SIM1: variants seen among roughly 807,000 people sequenced by gnomAD.
SIM1 encodes SIM bHLH transcription factor 1, also known as single-minded homolog 1.
Under a neutral mutation model 78.2 loss-of-function variants are expected in SIM1, and 18 were observed. The ratio of observed to expected loss-of-function variants is 0.23; its 90% CI spans 0.16 to 0.34. The LOEUF is 0.34. Ranked by LOEUF, SIM1 falls within the 10% of genes least tolerant of loss-of-function variation. SIM1 has a pLI of 1.00. For synonymous variants in SIM1, 417 were observed against 385.2 expected (o/e 1.08, Z -0.97); for missense variants, 939 against 975.1 (o/e 0.96, Z 0.49).
intron 9 of SIM1, among the ~76,000 whole-genome samples, chr6:100,422,468 G>T (rs551676638): frequency 2.7e-4 from 41 of 152,274 alleles, no homozygotes; most frequent in African/African-American, 9.6e-4. Flanking sequence ...CTCCCAAAGT[G>T]CTGGGATTGC....
At chr6:100,398,813 T>A (rs1770832316) in intron 10 of SIM1, among the ~76,000 whole-genome samples, 2 of 152,092 alleles carry the variant, frequency 1.3e-5, no homozygotes, top group African/African-American at 4.8e-5. Flanking sequence ...CATATGATAA[T>A]TCTATTTTGA....
At chr6:100,395,592 C>G (rs1770746839) in intron 10 of SIM1, among the ~76,000 whole-genome samples, 1 of 152,112 alleles carries the variant, frequency 6.6e-6, no homozygotes, top group Non-Finnish European at 1.5e-5. Context: ...ATTTCTTACC[C>G]CAGAATAAAC....
Position 100,464,905 on chromosome 6 carries a change from T to A in SIM1, c.-759A>T, listed in dbSNP as rs1772954347. The A allele has an allele frequency of 6.6e-6, 1 of 152,242 alleles. No homozygotes were observed. The highest frequency in any genetic ancestry group is 6.5e-5 in the Admixed American group (1 of 15,288). The allele number at this position is 152,242 out of a possible 1,614,324, so 9.4% of individuals were successfully genotyped here. A position where few individuals can be genotyped will look rare whatever the true frequency, so the allele number is the denominator to read the frequency against. ...ATTGGAAGCCGAAAACTGCCCCCCG[T>A]AACTTCTTTATAGCTTAAGGGTTTA... On this transcript the variant is annotated 5_prime_UTR_variant, in exon 1 of 12. Transcript: ENST00000369208.
intron 10 of SIM1, among the ~76,000 whole-genome samples, chr6:100,398,956 TGTGTATGTGTA>T (rs754920838): frequency 1.0e-4 from 11 of 109,692 alleles, no homozygotes; most frequent in Non-Finnish European, 1.5e-4. Context: ...TGTGTGTGTG[TGTGTATGTGTA>T]GTAGTAGTAG....
intron 9 of SIM1, among the ~76,000 whole-genome samples, chr6:100,424,909 A>G (rs1771686420): frequency 6.6e-6 from 1 of 152,230 alleles, no homozygotes; most frequent in South Asian, 2.1e-4. Context: ...TAGTGATTAC[A>G]ACACATTTCA....
intron 9 of SIM1, among the ~76,000 whole-genome samples, chr6:100,425,936 G>A (rs962162645): frequency 1.3e-5 from 2 of 152,148 alleles, no homozygotes; most frequent in African/African-American, 4.8e-5. Context: ...CTAAATGAAG[G>A]ACAGCACTGC....
At position 100,390,533 on chromosome 6, in the gene SIM1, G is replaced by C. The variant is rs1484769550; in HGVS notation, c.2129C>G (p.Ala710Gly). Residue 710 changes from alanine to glycine, a missense_variant, in exon 12 of 12, where the codon GCT becomes GGT. By Grantham distance (60) the Ala-to-Gly change is moderately conservative. Coordinates refer to ENST00000369208, the MANE Select transcript of SIM1 (RefSeq NM_005068.3). ...CAGGGCATATCCAGTTAATGTGTAA[G>C]CATGCTTGTCAAAATACTGCCGGTG... ...GSHRQYFDKH[A>G]YTLTGYALEH... 3.1e-6 allele frequency: 5 copies of C among 1,614,164 alleles called. No homozygotes were observed. Among genetic ancestry groups the C allele is most frequent in the Non-Finnish European group, 4.2e-6 (5 of 1,180,018 alleles).
intron 9 of SIM1, among the ~76,000 whole-genome samples, chr6:100,424,679 G>A (rs2213593): frequency 0.011 from 1,617 of 151,958 alleles, 30 homozygotes; most frequent in African/African-American, 0.037. Context: ...AGGCTCAAGC[G>A]ATCCTCCTGC....
At chr6:100,433,984 A>C (rs193171085) in intron 9 of SIM1, among the ~76,000 whole-genome samples, 2 of 152,162 alleles carry the variant, frequency 1.3e-5, no homozygotes, top group African/African-American at 2.4e-5. Context: ...TAATTACAAC[A>C]ACAGAGATTA....
intron 10 of SIM1, among the ~76,000 whole-genome samples, chr6:100,416,023 T>C (rs1172021070): frequency 6.6e-6 from 1 of 152,092 alleles, no homozygotes; most frequent in Non-Finnish European, 1.5e-5. Context: ...TGAAGATGTA[T>C]GGGAGCAGAC....
At chr6:100,437,632 A>G (rs1357455119) in intron 9 of SIM1, 3 of 152,222 alleles carry the variant, frequency 2.0e-5, no homozygotes, top group Admixed American at 2.0e-4. Context: ...ATTATATATC[A>G]GTACCAATTT....
chr6:100,414,589 T>A (rs948658711), intron 10 of SIM1, among the ~76,000 whole-genome samples: 1 of 152,196 alleles, frequency 6.6e-6, no homozygotes, highest in Non-Finnish European at 1.5e-5. Flanking sequence ...CTATCTAATA[T>A]AAGACTTTCT....
chr6:100,438,526 G>C (rs1772118544), intron 9 of SIM1, among the ~76,000 whole-genome samples: 1 of 152,182 alleles, frequency 6.6e-6, no homozygotes, highest in South Asian at 2.1e-4. Context: ...GTGTAAATTA[G>C]TACAATCACT....
chr6:100,444,801 G>A (rs1201770384), intron 9 of SIM1, among the ~76,000 whole-genome samples: 2 of 152,038 alleles, frequency 1.3e-5, no homozygotes, highest in East Asian at 1.9e-4. Flanking sequence ...GAAAATCAAC[G>A]AGCTTATGAA....
intron 2 of SIM1, among the ~76,000 whole-genome samples, chr6:100,455,777 G>T (rs1021821750): frequency 4.6e-5 from 7 of 152,222 alleles, no homozygotes; most frequent in African/African-American, 1.7e-4. Context: ...CCCGAAGGGT[G>T]CGAAGACTGC....
intron 2 of SIM1, among the ~76,000 whole-genome samples, chr6:100,454,555 C>T (rs116676482): frequency 0.012 from 1,770 of 152,218 alleles, 39 homozygotes; most frequent in African/African-American, 0.041. Context: ...TTTCTGAAGT[C>T]AGTTACTTTG....
At chr6:100,420,696 A>G in intron 10 of SIM1, 94 bp downstream of exon 10, 2 of 1,219,786 alleles carry the variant, frequency 1.6e-6, no homozygotes, top group Non-Finnish European at 2.4e-6. Flanking sequence ...TTAAAACTAG[A>G]TAATTCATTC....
At chr6:100,444,432 T>G (rs1225870980) in intron 9 of SIM1, among the ~76,000 whole-genome samples, 1 of 152,162 alleles carries the variant, frequency 6.6e-6, no homozygotes, top group Non-Finnish European at 1.5e-5. Flanking sequence ...CAGAAAATTA[T>G]GAACTGATCA....
intron 8 of SIM1, 99 bp downstream of exon 8, chr6:100,448,047 C>T: frequency 1.0e-6 from 1 of 970,660 alleles, no homozygotes; most frequent in African/African-American, 1.6e-5. Flanking sequence ...CCTGGGCTCC[C>T]ACCTGTCCTC....
Sources: gnomAD v4.1 joint callset for allele counts (sites outside exome capture counted in the v4.1 genomes callset) on GRCh38, gnomAD v4.1.1 for gene constraint, MANE v1.5 for transcripts, NCBI Gene and HGNC (gene_info 2026-07-23, HGNC 2026-07-21) for gene names.